Variants in MALL observed in about 807,000 individuals in gnomAD.
MALL encodes mal, T cell differentiation protein like.
A neutral mutation model predicts 10.3 loss-of-function variants in MALL; 2 were observed. The observed-to-expected ratio is 0.19, with a 90% confidence interval of 0.08 to 0.61. The LOEUF is 0.61. Among genes scored for constraint, MALL ranks in the 20% least tolerant of loss-of-function variants. MALL has a pLI of 0.88. For synonymous variants in MALL, 27 were observed against 51.8 expected, an observed-to-expected ratio of 0.52 and a Z score of 2.05; for missense variants, 39 against 115.2, an observed-to-expected ratio of 0.34 and a Z score of 3.03.
upstream of MALL, among the ~76,000 whole-genome samples, chr2:110,118,108 A>C (rs1295331647): frequency 6.6e-6 from 1 of 150,396 alleles, no homozygotes; most frequent in Non-Finnish European, 1.5e-5. Context: ...TAGCTTCTCC[A>C]TGCATTCTGT....
chr2:110,114,176 C>A (rs1414854338), intron 1 of MALL, among the ~76,000 whole-genome samples: 1 of 152,084 alleles, frequency 6.6e-6, no homozygotes, highest in Admixed American at 6.5e-5. Flanking sequence ...AGGCCTTTCC[C>A]TCTCTTTCCC....
intron 1 of MALL, among the ~76,000 whole-genome samples, chr2:110,098,965 C>T (rs1479361872): frequency 6.7e-6 from 1 of 149,922 alleles, no homozygotes; most frequent in African/African-American, 2.4e-5. Flanking sequence ...TGCACTTCAG[C>T]ATGGGTGACA....
chr2:110,110,454 A>C (rs911318226), intron 1 of MALL, among the ~76,000 whole-genome samples: 1 of 152,120 alleles, frequency 6.6e-6, no homozygotes, highest in Non-Finnish European at 1.5e-5. Flanking sequence ...TACACACATA[A>C]ACTAGAAAAC....
chr2:110,109,466 T>C (rs541288065), intron 1 of MALL, among the ~76,000 whole-genome samples: 1 of 152,284 alleles, frequency 6.6e-6, no homozygotes, highest in Non-Finnish European at 1.5e-5. Context: ...AGGGACAGTA[T>C]ATAACGGTAA....
At chr2:110,107,711 C>A (rs146375896) in intron 1 of MALL, among the ~76,000 whole-genome samples, 1 of 152,204 alleles carries the variant, frequency 6.6e-6, no homozygotes, top group Non-Finnish European at 1.5e-5. Context: ...GAAAGTGTCA[C>A]CTCCTGGCAG....
chr2:110,117,349 TTAAG>T (rs975695476), upstream of MALL, among the ~76,000 whole-genome samples: 10 of 152,156 alleles, frequency 6.6e-5, no homozygotes, highest in Middle Eastern at 3.4e-3. Context: ...TAGGAAAAGT[TTAAG>T]TAAGAAGAAA....
chr2:110,104,743 C>G (rs1678649832), intron 1 of MALL, among the ~76,000 whole-genome samples: 1 of 152,210 alleles, frequency 6.6e-6, no homozygotes, highest in African/African-American at 2.4e-5. Context: ...TTTCACCTGT[C>G]TCCTGTCCTG....
At chr2:110,095,510 C>A (rs1219387791) in intron 1 of MALL, among the ~76,000 whole-genome samples, 1 of 152,028 alleles carries the variant, frequency 6.6e-6, no homozygotes, top group Non-Finnish European at 1.5e-5. Flanking sequence ...AAAACCTATT[C>A]TTCTCTAGAA....
chr2:110,110,130 A>C (rs1238364865), intron 1 of MALL, among the ~76,000 whole-genome samples: 1 of 152,106 alleles, frequency 6.6e-6, no homozygotes, highest in East Asian at 1.9e-4. Context: ...AAAGAGCACA[A>C]ACAGAAAATC....
intron 1 of MALL, chr2:110,097,686 G>C (rs1330180653): frequency 5.6e-6 from 2 of 359,306 alleles, no homozygotes; most frequent in East Asian, 8.4e-5. Flanking sequence ...GCTGGGAGGT[G>C]TGGGTTTGGG....
chr2:110,103,055 T>C (rs1476945074), intron 1 of MALL, among the ~76,000 whole-genome samples: 1 of 152,162 alleles, frequency 6.6e-6, no homozygotes, highest in Non-Finnish European at 1.5e-5. Context: ...TCCAGTCTTC[T>C]TTGAAAGAGG....
At chr2:110,111,335 G>C (rs1317156787) in intron 1 of MALL, among the ~76,000 whole-genome samples, 1 of 152,084 alleles carries the variant, frequency 6.6e-6, no homozygotes, top group East Asian at 1.9e-4. Context: ...GACTCTTCCA[G>C]AAAGCTCCTA....
At chr2:110,101,874 G>C (rs1192757772) in intron 1 of MALL, among the ~76,000 whole-genome samples, 1 of 152,062 alleles carries the variant, frequency 6.6e-6, no homozygotes, top group Non-Finnish European at 1.5e-5. Flanking sequence ...CACAGCATTT[G>C]GGGGGCATAT....
At chr2:110,114,028 G>A (rs1678858679) in intron 1 of MALL, among the ~76,000 whole-genome samples, 1 of 151,994 alleles carries the variant, frequency 6.6e-6, no homozygotes, top group South Asian at 2.1e-4. Context: ...CGTGCACTTT[G>A]CTCTTCCAGG....
At chr2:110,102,585 T>C (rs887123447) in intron 1 of MALL, among the ~76,000 whole-genome samples, 1 of 152,212 alleles carries the variant, frequency 6.6e-6, no homozygotes, top group Non-Finnish European at 1.5e-5. Context: ...CAGACGCCCA[T>C]GGAAGTGGCA....
At chr2:110,114,399 G>C (rs1223016415) in intron 1 of MALL, among the ~76,000 whole-genome samples, 2 of 151,904 alleles carry the variant, frequency 1.3e-5, no homozygotes, top group African/African-American at 4.8e-5. Flanking sequence ...TGAACCACAG[G>C]CTCAATAAAA....
chr2:110,115,615 G>T, intron 1 of MALL, 73 bp downstream of exon 1: 1 of 851,194 alleles, frequency 1.2e-6, no homozygotes, highest in Non-Finnish European at 1.6e-6. Flanking sequence ...TCTCTTCTCG[G>T]TCCGGTCTGG....
chr2:110,096,203 C>T (rs1435275389), intron 1 of MALL, among the ~76,000 whole-genome samples: 1 of 152,084 alleles, frequency 6.6e-6, no homozygotes, highest in African/African-American at 2.4e-5. Context: ...TCTGCTTGAA[C>T]AGGTAAGGGA....
At chr2:110,106,820 T>A (rs1678706660) in intron 1 of MALL, among the ~76,000 whole-genome samples, 1 of 152,062 alleles carries the variant, frequency 6.6e-6, no homozygotes, top group South Asian at 2.1e-4. Flanking sequence ...GCAAACTGTT[T>A]CTCAATAGGT....
Sources: allele counts gnomAD v4.1 joint callset (sites outside exome capture counted in the v4.1 genomes callset), GRCh38; gene constraint gnomAD v4.1.1; transcripts MANE v1.5; gene names NCBI Gene and HGNC (gene_info 2026-07-23, HGNC 2026-07-21).